The following ART3 variants were observed in gnomAD, a reference collection of about 807,000 sequenced individuals.
ART3 encodes the protein ecto-ADP-ribosyltransferase 3.
In ART3, 49 loss-of-function variants were observed where a neutral mutation model predicts 48.5. The observed-to-expected ratio is 1.01, with a 90% CI of 0.80 to 1.28. The LOEUF (loss-of-function observed/expected upper bound fraction) is 1.28, where lower values mean the gene tolerates loss of function less well. Ranked by LOEUF, ART3 falls within the 50% of genes most tolerant of loss-of-function variation. The pLI, the probability that ART3 is intolerant of heterozygous loss-of-function variation, is 0.00. For missense variants in ART3, 438 were observed against 454.3 expected (o/e 0.96, Z 0.33); for synonymous variants, 145 against 157.2 (o/e 0.92, Z 0.58).
chr4:76,103,971 T>C lies in ART3; in HGVS notation c.970+2T>C. On this transcript the variant is annotated splice_donor_variant, in intron 9 of 11. Coordinates refer to ENST00000355810, the MANE Select transcript of ART3 (RefSeq NM_001130016.3). LOFTEE classifies it high-confidence loss of function. ...TCCTTGAACCCACCCAAATACCTGG[T>C]AAGACAGCTTTCTATTTACTCCCTG... is the stretch of plus-strand genomic sequence containing the variant. 1 of 1,613,506 alleles carries C rather than the reference T, an allele frequency of 6.2e-7. No homozygotes were observed. The highest frequency in any genetic ancestry group is 1.3e-5 in the African/African-American group (1 of 75,016).
chr4:76,107,887 G>A, intron 11 of ART3, 94 bp downstream of exon 11: 1 of 1,081,722 alleles, frequency 9.2e-7, no homozygotes, highest in Non-Finnish European at 1.3e-6. Flanking sequence ...AGGGAACAAA[G>A]TTGCAAGGTT....
Position 76,112,475 on chromosome 4 carries a change from A to G in ART3, c.1126A>G (p.Ile376Val). Reference protein sequence around the residue: ...LLLPQFGMVIILISVSAINLF... With the variant: ...LLLPQFGMVIVLISVSAINLF... Reference sequence around the variant, plus strand: ...GCTTCCACAGTTTGGGATGGTCATCATTTTAATCAGTGTTTCTGCTATAAA... The same window carrying G: ...GCTTCCACAGTTTGGGATGGTCATCGTTTTAATCAGTGTTTCTGCTATAAA... Residue 376 changes from isoleucine (I) to valine (V), a missense_variant, in exon 12 of 12, where the codon ATT (isoleucine) becomes GTT (valine). Transcript: ENST00000355810. 6.2e-7 allele frequency: 1 copy of G among 1,614,068 alleles called. No homozygotes were observed. Among genetic ancestry groups the G allele is most frequent in the South Asian group, 1.1e-5 (1 of 91,082 alleles).
At chr4:76,076,394 T>C (rs933357075) in intron 2 of ART3, among the ~76,000 whole-genome samples, 1 of 152,182 alleles carries the variant, frequency 6.6e-6, no homozygotes, top group Non-Finnish European at 1.5e-5. Context: ...AAATTAATTA[T>C]AAGTAGCTCT....
chr4:76,057,450 G>A (rs1474709079), intron 1 of ART3, among the ~76,000 whole-genome samples: 2 of 152,188 alleles, frequency 1.3e-5, no homozygotes, highest in Non-Finnish European at 2.9e-5. Flanking sequence ...ATTAGGGGAA[G>A]AGGAGTGAAG....
chr4:76,034,252 G>A, intron 1 of ART3: 1 of 394,240 alleles, frequency 2.5e-6, no homozygotes, highest in Non-Finnish European at 4.5e-6. Flanking sequence ...TTTGAGGAAT[G>A]TTTTACGACA....
intron 1 of ART3, chr4:76,023,465 T>C: frequency 2.5e-6 from 4 of 1,582,746 alleles, no homozygotes; most frequent in Non-Finnish European, 3.5e-6. Flanking sequence ...TGCTGTAGGC[T>C]CAGAATATGT....
At chr4:76,069,920 A>G (rs28445655), upstream of ART3, among the ~76,000 whole-genome samples, 31,350 of 151,818 alleles carry the variant, frequency 0.21, 5,517 homozygotes, top group African/African-American at 0.48. Flanking sequence ...CTCAGAGTGG[A>G]ATTTCTGGAT....
chr4:76,070,979 C>T (rs1479487610), upstream of ART3, among the ~76,000 whole-genome samples: 4 of 151,866 alleles, frequency 2.6e-5, no homozygotes, highest in African/African-American at 7.3e-5. Context: ...AATCATTCTA[C>T]CCTCTCTTTG....
intron 1 of ART3, among the ~76,000 whole-genome samples, chr4:76,032,814 G>A (rs2149399994): frequency 6.6e-6 from 1 of 152,066 alleles, no homozygotes; most frequent in African/African-American, 2.4e-5. Context: ...TTGAACTCCT[G>A]ACCTCAGGTG....
intron 1 of ART3, among the ~76,000 whole-genome samples, chr4:76,047,336 T>C (rs1048357163): frequency 2.6e-5 from 4 of 151,910 alleles, no homozygotes; most frequent in African/African-American, 9.7e-5. Context: ...GTCCCTATTA[T>C]AGGACACCGA....
chr4:76,052,266 C>G (rs916308933), intron 1 of ART3, among the ~76,000 whole-genome samples: 3 of 152,224 alleles, frequency 2.0e-5, no homozygotes, highest in African/African-American at 7.2e-5. Context: ...CTAATGTAGT[C>G]TGGTATTTGA....
At chr4:76,062,671 C>T (rs1354458982) in intron 1 of ART3, among the ~76,000 whole-genome samples, 1 of 147,574 alleles carries the variant, frequency 6.8e-6, no homozygotes, top group Non-Finnish European at 1.5e-5. Context: ...CGCCATTCTT[C>T]TGCCTCAGCC....
chr4:76,062,849 C>T lies in ART3; in HGVS notation c.-9-13032C>T, dbSNP rs767234246. ...TGCTGGGATTACAAGTGTGAGCCACCGAGCCCGGCCCCAAGTCACATTTCA... is the reference window on the plus strand; with the variant it reads ...TGCTGGGATTACAAGTGTGAGCCACTGAGCCCGGCCCCAAGTCACATTTCA... On this transcript the variant is annotated intron_variant, in intron 1 of 9. Transcript: ENST00000341029. 5.3e-5 allele frequency among the ~76,000 whole-genome samples: 8 copies of T among 152,180 alleles called. 1 individual carries two copies. In the East Asian group the frequency reaches 9.7e-4, roughly 18 times the overall value.
chr4:76,034,599 A>G (rs1395937133), intron 1 of ART3: 1 of 602,120 alleles, frequency 1.7e-6, no homozygotes, highest in African/African-American at 1.9e-5. Flanking sequence ...TCATTCAGGA[A>G]GACTGTATTT....
chr4:76,040,438 A>ACACACACACACACACG lies in ART3; in HGVS notation c.-10+29133_-10+29134insGCACACACACACACAC, dbSNP rs1553926415. On this transcript the variant is annotated intron_variant, in intron 1 of 9. Transcript: ENST00000341029. ...GGATGGATACGCACATACACTGGAT[A>ACACACACACACACACG]CACACACACACACACACACACACAC... 2.0e-4 allele frequency among the ~76,000 whole-genome samples: 13 copies of ACACACACACACACACG among 64,542 alleles called. No homozygotes were observed. In the East Asian group the frequency reaches 5.6e-3, roughly 28 times the overall value. The allele number at this position is 64,542 out of a possible 152,430, so 42.3% of individuals were successfully genotyped here.
At chr4:76,022,743 C>A (rs1304202802) in intron 1 of ART3, 1 of 1,613,760 alleles carries the variant, frequency 6.2e-7, no homozygotes, top group South Asian at 1.1e-5. Context: ...TCAAGTTTTT[C>A]TAAAGACCTT....
At chr4:76,093,530 A>T (rs570583461) in intron 3 of ART3, among the ~76,000 whole-genome samples, 1 of 152,288 alleles carries the variant, frequency 6.6e-6, no homozygotes, top group Non-Finnish European at 1.5e-5. Flanking sequence ...TTAAGAATTT[A>T]TGTTATTAGA....
intron 3 of ART3, among the ~76,000 whole-genome samples, chr4:76,091,030 T>C (rs1724770463): frequency 6.6e-6 from 1 of 152,366 alleles, no homozygotes; most frequent in East Asian, 1.9e-4. Flanking sequence ...TTTGCCTGGC[T>C]TCTTTCACTC....
intron 1 of ART3, chr4:76,035,360 ATTAG>A (rs755159031): frequency 4.4e-5 from 71 of 1,612,216 alleles, no homozygotes; most frequent in Middle Eastern, 1.6e-4. Context: ...AGATCATAGC[ATTAG>A]TTAGTAATGC....
Sources: allele counts gnomAD v4.1 joint callset (sites outside exome capture counted in the v4.1 genomes callset), GRCh38; gene constraint gnomAD v4.1.1; transcripts MANE v1.5; gene names NCBI Gene and HGNC (gene_info 2026-07-23, HGNC 2026-07-21).